Variants in FBXW2 observed in about 807,000 individuals in gnomAD.
FBXW2 encodes the protein F-box/WD repeat-containing protein 2.
In FBXW2, 12 loss-of-function variants were observed where a neutral mutation model predicts 46.0. That is an observed-to-expected ratio of 0.26 (90% CI 0.17 to 0.42). FBXW2 has a LOEUF of 0.42. Among genes scored for constraint, FBXW2 ranks in the 10% least tolerant of loss-of-function variants. The pLI is 1.00. For synonymous variants in FBXW2, 203 were observed against 209.6 expected, an observed-to-expected ratio of 0.97 and a Z score of 0.27; for missense variants, 360 against 537.0, an observed-to-expected ratio of 0.67 and a Z score of 3.26.
chr9:120,765,952 T>C (rs187286773), intron 7 of FBXW2, among the ~76,000 whole-genome samples: 10 of 152,108 alleles, frequency 6.6e-5, no homozygotes, highest in Admixed American at 1.3e-4. Flanking sequence ...AAAAACAACT[T>C]AGCTTCTGTT....
At position 120,764,759 on chromosome 9, in the gene FBXW2, T is replaced by G. The variant is rs763748312; in HGVS notation, c.1165A>C (p.Ile389Leu). 2 of 1,614,156 alleles carry G rather than the reference T, an allele frequency of 1.2e-6. No homozygotes were observed. Reference sequence around the variant, plus strand: ...AGGCTCTCTGTCCGCAAGTCCATGATGTACAGGTAGCGGTTGTCAAACAGC... The same window carrying G: ...AGGCTCTCTGTCCGCAAGTCCATGAGGTACAGGTAGCGGTTGTCAAACAGC... ...ALLFDNRYLYIMDLRTESLIS... is the reference protein window; with the variant it reads ...ALLFDNRYLYLMDLRTESLIS... Residue 389 changes from isoleucine to leucine, a missense_variant, in exon 8 of 8, where the codon ATC becomes CTC. Ile to Leu is a conservative substitution (Grantham distance 5, BLOSUM62 2). Coordinates refer to ENST00000608872, the MANE Select transcript of FBXW2 (RefSeq NM_012164.4).
At chr9:120,790,736 AG>A (rs2044820532) in intron 2 of FBXW2, among the ~76,000 whole-genome samples, 1 of 152,216 alleles carries the variant, frequency 6.6e-6, no homozygotes, top group African/African-American at 2.4e-5. Context: ...CAAATATCTA[AG>A]AGACATACTA....
intron 3 of FBXW2, among the ~76,000 whole-genome samples, chr9:120,783,011 CACA>C (rs779968298): frequency 6.6e-6 from 1 of 151,916 alleles, no homozygotes; most frequent in Non-Finnish European, 1.5e-5. Flanking sequence ...GTGATGACTG[CACA>C]ACAACGTAAT....
In FBXW2 at chr9:120,757,422, A is replaced by AG. The variant is rs2044144114; in HGVS notation, c.*7136_*7137insC. The AG allele has an allele frequency of 6.6e-6, 1 of 152,236 alleles. No homozygotes were observed. The allele number at this position is 152,236 out of a possible 1,614,324, so 9.4% of individuals were successfully genotyped here. A position where few individuals can be genotyped will look rare whatever the true frequency, so the allele number is the denominator to read the frequency against. ...CTACTGGAACTTGTTCTAAGGAAAT[A>AG]TGCACAAAGAAGTTCTCTGTAGTAT... On this transcript the variant is annotated 3_prime_UTR_variant, in exon 8 of 8. Transcript: ENST00000608872.
intron 7 of FBXW2, among the ~76,000 whole-genome samples, chr9:120,767,561 AT>A (rs1247301261): frequency 6.6e-6 from 1 of 152,160 alleles, no homozygotes; most frequent in Non-Finnish European, 1.5e-5. Flanking sequence ...CTCATCCATC[AT>A]TTTCTACTTA....
rs1230706083 is a variant in FBXW2 at position 120,758,040 on chromosome 9, C to G, written c.*6519G>C. The G allele has an allele frequency of 6.6e-6, 1 of 152,154 alleles. No homozygotes were observed. The highest frequency in any genetic ancestry group is 2.4e-5 in the African/African-American group (1 of 41,432). The allele number at this position is 152,154 out of a possible 1,614,324, so 9.4% of individuals were successfully genotyped here. On this transcript the variant is annotated 3_prime_UTR_variant, in exon 8 of 8. Coordinates refer to ENST00000608872, the MANE Select transcript of FBXW2 (RefSeq NM_012164.4). ...CAATGAATTCCTACTCTCAATCTTA[C>G]AATGTTGCTGGGGAAACCAGGTATT... is the stretch of plus-strand genomic sequence containing the variant.
intron 3 of FBXW2, among the ~76,000 whole-genome samples, 179 bp from the exon 4 acceptor site, chr9:120,778,724 C>T (rs376747161): frequency 6.6e-5 from 10 of 152,160 alleles, no homozygotes; most frequent in East Asian, 5.8e-4. Flanking sequence ...GTCACCAAAA[C>T]GGAGTCAAAA....
intron 7 of FBXW2, among the ~76,000 whole-genome samples, chr9:120,768,012 G>A (rs1350085528): frequency 6.6e-6 from 1 of 152,138 alleles, no homozygotes; most frequent in Non-Finnish European, 1.5e-5. Flanking sequence ...TTATCACCTT[G>A]TTTCAACTTC....
intron 7 of FBXW2, among the ~76,000 whole-genome samples, chr9:120,767,000 C>CA (rs1564449750): frequency 6.6e-6 from 1 of 152,128 alleles, no homozygotes; most frequent in Admixed American, 6.5e-5. Flanking sequence ...TGAGAACATG[C>CA]TCAGCACAAA....
At position 120,786,406 on chromosome 9, in the gene FBXW2, G is replaced by A. The variant is rs549819218; in HGVS notation, c.490+1363C>T. The stretch of plus-strand genomic sequence containing the variant: ...TGAACAAGGTGCTTGCTTCCCCTTC[G>A]CCTTCCGCCATGATCATATTGCCTT... On this transcript the variant is annotated intron_variant, in intron 3 of 7. Coordinates refer to ENST00000608872, the MANE Select transcript of FBXW2 (RefSeq NM_012164.4). Among the ~76,000 whole-genome samples the A allele has an allele frequency of 2.1e-3, 316 of 152,146 alleles. 4 individuals carry two copies. The highest frequency in any genetic ancestry group is 6.9e-3 in the African/African-American group (285 of 41,494).
intron 5 of FBXW2, among the ~76,000 whole-genome samples, chr9:120,773,999 T>C (rs2044435731): frequency 6.6e-6 from 1 of 152,172 alleles, no homozygotes; most frequent in African/African-American, 2.4e-5. Flanking sequence ...AAGACCAGCC[T>C]GGGCAACACA....
chr9:120,766,436 A>G (rs1017903253), intron 7 of FBXW2, among the ~76,000 whole-genome samples: 1 of 152,128 alleles, frequency 6.6e-6, no homozygotes, highest in Non-Finnish European at 1.5e-5. Flanking sequence ...ACCGAACTTC[A>G]TAATTAACAT....
intron 2 of FBXW2, among the ~76,000 whole-genome samples, chr9:120,792,734 G>A (rs2044874891): frequency 6.6e-6 from 1 of 152,072 alleles, no homozygotes; most frequent in Non-Finnish European, 1.5e-5. Context: ...TACCTACAAG[G>A]GTTTTTATGA....
chr9:120,793,071 C>T (rs1329075400), intron 2 of FBXW2, 78 bp downstream of exon 2: 3 of 949,420 alleles, frequency 3.2e-6, no homozygotes, highest in Non-Finnish European at 4.8e-6. Flanking sequence ...TTTCCCGTCT[C>T]TAAAATCCAG....
chr9:120,758,915 C>T lies in FBXW2; in HGVS notation c.*5644G>A, dbSNP rs959477297. ...GAAGCAAAATGGGACTTTTACCCAC[C>T]CCATCCCTTCATTTGCAACTATTCA... On this transcript the variant is annotated 3_prime_UTR_variant, in exon 8 of 8. Coordinates refer to ENST00000608872, the MANE Select transcript of FBXW2 (RefSeq NM_012164.4). 3 of 152,128 alleles carry T rather than the reference C, an allele frequency of 2.0e-5. No homozygotes were observed. Among genetic ancestry groups the T allele is most frequent in the Non-Finnish European group, 4.4e-5 (3 of 68,026 alleles). The allele number at this position is 152,128 out of a possible 1,614,324, so 9.4% of individuals were successfully genotyped here.
chr9:120,768,599 T>C (rs1382654018), intron 7 of FBXW2, among the ~76,000 whole-genome samples: 1 of 152,032 alleles, frequency 6.6e-6, no homozygotes, highest in Non-Finnish European at 1.5e-5. Context: ...GGCGGGTGGA[T>C]CACTTGAGGT....
chr9:120,772,224 G>A (rs1003284845), intron 6 of FBXW2, among the ~76,000 whole-genome samples: 35 of 152,144 alleles, frequency 2.3e-4, no homozygotes, highest in African/African-American at 8.4e-4. Flanking sequence ...GCCGGGCGTG[G>A]TGGCTCATGC....
Position 120,771,521 on chromosome 9 carries a change from C to T in FBXW2, c.907-4G>A. 1 of 1,604,296 alleles carries T rather than the reference C, an allele frequency of 6.2e-7. No homozygotes were observed. The highest frequency in any genetic ancestry group is 1.1e-5 in the South Asian group (1 of 89,670). ...TTTCTCTCCCAATTGGCCAAATCTA[C>T]AGAAAAAAGAAAATGAGGAAAGATG... On this transcript the variant is annotated splice_polypyrimidine_tract_variant and splice_region_variant and intron_variant, in intron 6 of 7. Transcript: ENST00000608872.
intron 7 of FBXW2, among the ~76,000 whole-genome samples, chr9:120,765,452 T>G (rs921420552): frequency 5.9e-5 from 9 of 152,184 alleles, no homozygotes; most frequent in Non-Finnish European, 8.8e-5. Flanking sequence ...ATCTTACAGA[T>G]AACATTTAAC....
Sources: gnomAD v4.1 joint callset for allele counts (sites outside exome capture counted in the v4.1 genomes callset) on GRCh38, gnomAD v4.1.1 for gene constraint, MANE v1.5 for transcripts, NCBI Gene and HGNC (gene_info 2026-07-23, HGNC 2026-07-21) for gene names.